The following DLG2 variants were observed in gnomAD, a reference collection of about 807,000 sequenced individuals.
The protein encoded by DLG2 is disks large homolog 2.
In DLG2, 45 loss-of-function variants were observed where a neutral mutation model predicts 132.5. That is an observed-to-expected ratio of 0.34 (90% confidence interval 0.27 to 0.44). The LOEUF (loss-of-function observed/expected upper bound fraction) is 0.44. Ranked by LOEUF, DLG2 falls within the 20% of genes least tolerant of loss-of-function variation. DLG2 has a pLI of 1.00. For missense variants in DLG2, 1,045 were observed against 1,196.9 expected, an observed-to-expected ratio of 0.87 and a Z score of 1.87; for synonymous variants, 424 against 419.6, an observed-to-expected ratio of 1.01 and a Z score of -0.13.
At chr11:85,338,180 A>T (rs913784424) in intron 3 of DLG2, among the ~76,000 whole-genome samples, 4 of 152,238 alleles carry the variant, frequency 2.6e-5, no homozygotes, top group African/African-American at 9.6e-5. Context: ...AATGAAAATT[A>T]TATTCTATTG....
chr11:85,175,537 C>A (rs2079175300), intron 4 of DLG2, among the ~76,000 whole-genome samples: 1 of 152,122 alleles, frequency 6.6e-6, no homozygotes. Flanking sequence ...GAAGCAGAAC[C>A]CTTGAAAACT....
intron 21 of DLG2, among the ~76,000 whole-genome samples, chr11:83,490,920 A>G (rs541542320): frequency 2.6e-5 from 4 of 152,090 alleles, no homozygotes; most frequent in African/African-American, 9.6e-5. Flanking sequence ...CTTTCTCTCA[A>G]TTCAGCGGAT....
At chr11:85,003,006 A>G (rs1047225663) in intron 6 of DLG2, among the ~76,000 whole-genome samples, 2 of 152,036 alleles carry the variant, frequency 1.3e-5, no homozygotes, top group Non-Finnish European at 2.9e-5. Flanking sequence ...TTAATATAGT[A>G]TTTATATTAT....
intron 18 of DLG2, among the ~76,000 whole-genome samples, chr11:83,671,963 CT>C (rs938506906): frequency 4.6e-5 from 7 of 152,092 alleles, no homozygotes; most frequent in Non-Finnish European, 8.8e-5. Flanking sequence ...AGTGTTTCCC[CT>C]ATGTCTCTTT....
At chr11:84,371,626 T>C (rs1343932954) in intron 7 of DLG2, among the ~76,000 whole-genome samples, 5 of 152,128 alleles carry the variant, frequency 3.3e-5, no homozygotes, top group Non-Finnish European at 7.4e-5. Context: ...TCAATTAACA[T>C]TTTAAAATGT....
At chr11:84,153,546 AT>A (rs1167841903) in intron 9 of DLG2, among the ~76,000 whole-genome samples, 1 of 152,120 alleles carries the variant, frequency 6.6e-6, no homozygotes, top group African/African-American at 2.4e-5. Flanking sequence ...TTAAAAAAAA[AT>A]ATTTTTTCTT....
At chr11:85,476,089 T>C (rs73503541) in intron 3 of DLG2, among the ~76,000 whole-genome samples, 1,572 of 152,202 alleles carry the variant, frequency 0.01, 26 homozygotes, top group African/African-American at 0.036. Context: ...ACCTAGATGG[T>C]ACACCCTACT....
Position 84,627,839 on chromosome 11 carries a change from G to A in DLG2, c.358-93108C>T, listed in dbSNP as rs1229672092. Among the ~76,000 whole-genome samples, 3 of 152,096 alleles carry A rather than the reference G, an allele frequency of 2.0e-5. No individual in the cohort carries two copies. In the East Asian group the frequency reaches 5.8e-4, roughly 29 times the overall value. Reference sequence around the variant, plus strand: ...CAGCAAGAGAAAGCGGTGGGAGGAGGTGCCACAGACTCAAACAACCAGATC... The same window carrying A: ...CAGCAAGAGAAAGCGGTGGGAGGAGATGCCACAGACTCAAACAACCAGATC... On this transcript the variant is annotated intron_variant, in intron 6 of 27. Coordinates refer to ENST00000376104, the MANE Select transcript of DLG2 (RefSeq NM_001142699.3).
intron 16 of DLG2, among the ~76,000 whole-genome samples, chr11:83,867,300 A>G (rs1595673445): frequency 6.6e-6 from 1 of 152,182 alleles, no homozygotes. Context: ...AAAGGTACCT[A>G]AATTGTTATT....
At chr11:83,501,387 G>A (rs2094447419) in intron 21 of DLG2, among the ~76,000 whole-genome samples, 1 of 152,082 alleles carries the variant, frequency 6.6e-6, no homozygotes. Context: ...GTGTTGGGCA[G>A]GGAGAATGGC....
chr11:84,246,394 A>G (rs533463201), intron 8 of DLG2, among the ~76,000 whole-genome samples: 3 of 152,218 alleles, frequency 2.0e-5, no homozygotes, highest in African/African-American at 7.2e-5. Context: ...CAAATTGACT[A>G]TCCTGGTATA....
chr11:85,516,787 T>C (rs749900548), intron 3 of DLG2, among the ~76,000 whole-genome samples: 124 of 151,836 alleles, frequency 8.2e-4, no homozygotes, highest in Admixed American at 3.9e-3. Context: ...ATAAAAACTT[T>C]CCCAATAAAG....
intron 19 of DLG2, among the ~76,000 whole-genome samples, chr11:83,613,807 G>C (rs760671304): frequency 2.5e-4 from 38 of 152,156 alleles, no homozygotes; most frequent in Non-Finnish European, 4.7e-4. Flanking sequence ...AGATAAAATA[G>C]TGGTTCTCAG....
intron 4 of DLG2, among the ~76,000 whole-genome samples, chr11:85,264,227 A>T (rs2152722155): frequency 6.6e-6 from 1 of 152,290 alleles, no homozygotes; most frequent in South Asian, 2.1e-4. Flanking sequence ...CAGTAGAGTA[A>T]GAAAAGCCTA....
intron 6 of DLG2, among the ~76,000 whole-genome samples, chr11:84,772,440 C>G (rs1049027947): frequency 2.6e-5 from 4 of 152,076 alleles, no homozygotes; most frequent in Admixed American, 2.6e-4. Flanking sequence ...ACTTGACAAG[C>G]TGGATCTAAT....
intron 18 of DLG2, among the ~76,000 whole-genome samples, chr11:83,757,332 T>C (rs1047688856): frequency 6.6e-6 from 1 of 152,208 alleles, no homozygotes; most frequent in Admixed American, 6.5e-5. Flanking sequence ...TTTCAAACAA[T>C]TTAAATTGGG....
intron 18 of DLG2, among the ~76,000 whole-genome samples, chr11:83,660,325 A>G (rs2073931255): frequency 6.6e-6 from 1 of 152,274 alleles, no homozygotes; most frequent in Non-Finnish European, 1.5e-5. Context: ...ACTGCCAACC[A>G]TATGTGACCC....
intron 6 of DLG2, among the ~76,000 whole-genome samples, chr11:84,610,339 A>T (rs1438653407): frequency 2.0e-5 from 3 of 152,128 alleles, no homozygotes; most frequent in African/African-American, 4.8e-5. Flanking sequence ...AATATTTTTT[A>T]AAAATTTTTT....
At chr11:84,187,978 C>T (rs2096315073) in intron 8 of DLG2, among the ~76,000 whole-genome samples, 1 of 152,092 alleles carries the variant, frequency 6.6e-6, no homozygotes, top group African/African-American at 2.4e-5. Context: ...TGCAGAATGC[C>T]CACAGCCTTC....
Sources: allele counts gnomAD v4.1 joint callset (sites outside exome capture counted in the v4.1 genomes callset), GRCh38; gene constraint gnomAD v4.1.1; transcripts MANE v1.5; gene names NCBI Gene and HGNC (gene_info 2026-07-23, HGNC 2026-07-21).